The following LYPLAL1 variants were observed in gnomAD, a reference collection of about 807,000 sequenced individuals.
The protein encoded by LYPLAL1 is lysophospholipase-like protein 1.
Under a neutral mutation model 19.7 loss-of-function variants are expected in LYPLAL1, and 23 were observed. The ratio of observed to expected loss-of-function variants is 1.17; its 90% confidence interval spans 0.84 to 1.65. The LOEUF (loss-of-function observed/expected upper bound fraction) is 1.65. Ranked by LOEUF, LYPLAL1 falls within the 40% of genes most tolerant of loss-of-function variation. The pLI is 0.00. For missense variants in LYPLAL1, 355 were observed against 279.4 expected (o/e 1.27, Z -1.93); for synonymous variants, 119 against 96.3 (o/e 1.24, Z -1.38).
the LYPLAL1 span, among the ~76,000 whole-genome samples, chr1:219,291,885 C>CAA: frequency 2.1e-4 from 25 of 117,786 alleles, no homozygotes; most frequent in African/African-American, 3.4e-4. Flanking sequence ...CGGAATAAAG[C>CAA]AAAAAAAAAA....
the LYPLAL1 span, among the ~76,000 whole-genome samples, chr1:219,362,877 G>A: frequency 6.6e-6 from 1 of 152,128 alleles, no homozygotes; most frequent in Non-Finnish European, 1.5e-5. Flanking sequence ...ACTAGACTCA[G>A]GAAAATTTAT....
At chr1:219,259,605 A>T in the LYPLAL1 span, among the ~76,000 whole-genome samples, 1 of 151,614 alleles carries the variant, frequency 6.6e-6, no homozygotes, top group African/African-American at 2.4e-5. Context: ...ACACAAAGGC[A>T]TAAGAATGAT....
chr1:219,367,509 T>C, the LYPLAL1 span, among the ~76,000 whole-genome samples: 1 of 152,084 alleles, frequency 6.6e-6, no homozygotes, highest in South Asian at 2.1e-4. Flanking sequence ...CTTTTTCCAT[T>C]TAGAAAAAAA....
At chr1:219,408,884 G>A in the LYPLAL1 span, among the ~76,000 whole-genome samples, 2 of 152,220 alleles carry the variant, frequency 1.3e-5, no homozygotes, top group African/African-American at 4.8e-5. Flanking sequence ...GTTGGCTCCA[G>A]AAAGTGAATT....
the LYPLAL1 span, among the ~76,000 whole-genome samples, chr1:219,255,222 A>C: frequency 6.6e-6 from 1 of 151,694 alleles, no homozygotes; most frequent in Non-Finnish European, 1.5e-5. Context: ...TTTATTTTTT[A>C]TAAATATGGT....
the LYPLAL1 span, among the ~76,000 whole-genome samples, chr1:219,290,595 T>G: frequency 6.6e-6 from 1 of 152,190 alleles, no homozygotes; most frequent in African/African-American, 2.4e-5. Context: ...ATCCTATATA[T>G]AAACAAGTAT....
the LYPLAL1 span, among the ~76,000 whole-genome samples, chr1:219,268,640 C>CAAAG: frequency 0.25 from 37,701 of 151,660 alleles, 4,800 homozygotes; most frequent in Non-Finnish European, 0.29. Flanking sequence ...AAATAAAAAA[C>CAAAG]AAGTCCATAT....
the LYPLAL1 span, among the ~76,000 whole-genome samples, chr1:219,248,931 A>T: frequency 6.6e-6 from 1 of 152,064 alleles, no homozygotes; most frequent in Non-Finnish European, 1.5e-5. Context: ...ATTCACAAAC[A>T]CACAGAAATA....
chr1:219,219,468 C>T, the LYPLAL1 span, among the ~76,000 whole-genome samples: 50 of 152,320 alleles, frequency 3.3e-4, 1 homozygote, highest in Non-Finnish European at 2.8e-4. Flanking sequence ...CAATATCAGT[C>T]ACAGGAACAG....
chr1:219,305,964 A>G, the LYPLAL1 span, among the ~76,000 whole-genome samples: 17 of 152,340 alleles, frequency 1.1e-4, no homozygotes, highest in East Asian at 3.1e-3. Context: ...CAGATTAAAG[A>G]TATTTCATTT....
the LYPLAL1 span, among the ~76,000 whole-genome samples, chr1:219,249,368 T>G: frequency 6.6e-6 from 1 of 152,104 alleles, no homozygotes; most frequent in African/African-American, 2.4e-5. Context: ...TCATTCATAA[T>G]ACTGAATGTA....
At chr1:219,204,403 G>A (rs754739578) in intron 3 of LYPLAL1, among the ~76,000 whole-genome samples, 6 of 152,120 alleles carry the variant, frequency 3.9e-5, no homozygotes, top group African/African-American at 7.2e-5. Context: ...TTTATTGTCA[G>A]TACATTCTCC....
At chr1:219,340,232 T>G in the LYPLAL1 span, among the ~76,000 whole-genome samples, 1 of 152,056 alleles carries the variant, frequency 6.6e-6, no homozygotes, top group Admixed American at 6.6e-5. Flanking sequence ...AATGTTCAGT[T>G]TAGTTAAGTC....
At chr1:219,392,472 G>A in the LYPLAL1 span, among the ~76,000 whole-genome samples, 2 of 152,248 alleles carry the variant, frequency 1.3e-5, no homozygotes, top group South Asian at 2.1e-4. Flanking sequence ...AAAGTCATTA[G>A]CTATGATGGG....
At chr1:219,418,571 C>T in the LYPLAL1 span, among the ~76,000 whole-genome samples, 1 of 152,208 alleles carries the variant, frequency 6.6e-6, no homozygotes, top group African/African-American at 2.4e-5. Context: ...TCTACACATG[C>T]TCAGCCTCCC....
chr1:219,293,291 T>G, the LYPLAL1 span, among the ~76,000 whole-genome samples: 77 of 152,038 alleles, frequency 5.1e-4, 1 homozygote, highest in Non-Finnish European at 9.0e-4. Flanking sequence ...GTGAGAGAGA[T>G]AGTAGAAATG....
the LYPLAL1 span, among the ~76,000 whole-genome samples, chr1:219,225,816 G>T: frequency 6.6e-6 from 1 of 151,952 alleles, no homozygotes; most frequent in Non-Finnish European, 1.5e-5. Flanking sequence ...CCTGCCTCTC[G>T]TCTCCCATGT....
chr1:219,248,203 C>T, the LYPLAL1 span, among the ~76,000 whole-genome samples: 5 of 152,192 alleles, frequency 3.3e-5, no homozygotes, highest in African/African-American at 1.2e-4. Context: ...CGACGAGGTC[C>T]TGACAAATTC....
At chr1:219,278,678 AAACAACAAC>A in the LYPLAL1 span, among the ~76,000 whole-genome samples, 2 of 150,628 alleles carry the variant, frequency 1.3e-5, no homozygotes, top group East Asian at 2.0e-4. Flanking sequence ...AAAAATCACT[AAACAACAAC>A]AACAACAACA....
Sources: allele counts gnomAD v4.1 joint callset (sites outside exome capture counted in the v4.1 genomes callset), GRCh38; gene constraint gnomAD v4.1.1; transcripts MANE v1.5; gene names NCBI Gene and HGNC (gene_info 2026-07-23, HGNC 2026-07-21).